Variants in DMD observed in about 807,000 individuals in gnomAD.
DMD encodes dystrophin.
In DMD, 63 loss-of-function variants were observed where a neutral mutation model predicts 330.1. The observed-to-expected ratio is 0.19, with a 90% CI of 0.16 to 0.24. The LOEUF (loss-of-function observed/expected upper bound fraction) is 0.24, where lower values mean the gene tolerates loss of function less well. Ranked by LOEUF, DMD falls within the 10% of genes least tolerant of loss-of-function variation. The pLI is 1.00. For missense variants in DMD, 3,344 were observed against 2,684.1 expected (o/e 1.25, Z -5.43); for synonymous variants, 1,223 against 959.8 (o/e 1.27, Z -5.07).
At chrX:32,468,178 A>T (rs1007342736) in intron 23 of DMD, among the ~76,000 whole-genome samples, 1 of 110,858 alleles carries the variant, frequency 9.0e-6, no homozygotes, top group Non-Finnish European at 1.9e-5. Flanking sequence ...AAGCTAAATG[A>T]TTACCCGTAT....
At chrX:32,929,652 T>G (rs753984847) in intron 2 of DMD, among the ~76,000 whole-genome samples, 5 of 111,226 alleles carry the variant, frequency 4.5e-5, no homozygotes, top group African/African-American at 1.3e-4. Context: ...TATGGTGGAC[T>G]GCTGCACCCA....
intron 1 of DMD, among the ~76,000 whole-genome samples, chrX:33,158,461 T>G (rs769932679): frequency 1.3e-4 from 15 of 111,476 alleles, no homozygotes; most frequent in Middle Eastern, 4.6e-3. Flanking sequence ...CTGTCCTAGC[T>G]GGAAAGAGCT....
chrX:31,753,257 T>C (rs750589863), intron 51 of DMD, among the ~76,000 whole-genome samples: 4 of 112,162 alleles, frequency 3.6e-5, no homozygotes, highest in African/African-American at 1.3e-4. Context: ...TGTTTGAATA[T>C]ATGCTGCTTT....
chrX:33,166,958 A>C (rs1442844160), intron 1 of DMD, among the ~76,000 whole-genome samples: 1 of 110,978 alleles, frequency 9.0e-6, no homozygotes, highest in African/African-American at 3.3e-5. Context: ...AGCACCATCG[A>C]TATGTATCAC....
chrX:32,894,819 C>T (rs1272999199), intron 2 of DMD, among the ~76,000 whole-genome samples: 1 of 112,312 alleles, frequency 8.9e-6, no homozygotes, highest in East Asian at 2.8e-4. Context: ...TTTGTGTGTA[C>T]GTGTGTGTAT....
chrX:32,670,080 A>T (rs2061539942), intron 9 of DMD, among the ~76,000 whole-genome samples: 1 of 111,989 alleles, frequency 8.9e-6, no homozygotes, highest in Non-Finnish European at 1.9e-5. Flanking sequence ...TCATTCAGTT[A>T]TACCTTCTGC....
At chrX:31,673,791 C>T (rs901367808) in intron 53 of DMD, among the ~76,000 whole-genome samples, 3 of 111,252 alleles carry the variant, frequency 2.7e-5, no homozygotes, top group African/African-American at 9.8e-5. Flanking sequence ...GGTGACTCTG[C>T]ATTAAATATT....
chrX:32,565,969 A>T, intron 15 of DMD, 88 bp from the exon 16 acceptor site: 1 of 808,180 alleles, frequency 1.2e-6, no homozygotes, highest in Non-Finnish European at 1.8e-6. Context: ...GTATTTGCTC[A>T]TTTGCATAGA....
At chrX:32,904,247 T>G (rs1946186675) in intron 2 of DMD, among the ~76,000 whole-genome samples, 1 of 111,587 alleles carries the variant, frequency 9.0e-6, no homozygotes, top group African/African-American at 3.3e-5. Flanking sequence ...ACTCAATAAG[T>G]TTTCACAAAT....
In DMD at chrX:32,753,310, C is replaced by T. The variant is rs191988891; in HGVS notation, c.650-54017G>A. ...GTATTCCTCAAAAGACAATATATTCCAAGACATGAGCCTTTTCTTATGTCT... is the reference window on the plus strand; with the variant it reads ...GTATTCCTCAAAAGACAATATATTCTAAGACATGAGCCTTTTCTTATGTCT... On this transcript the variant is annotated intron_variant, in intron 7 of 78. Transcript: ENST00000357033. 8.9e-5 allele frequency among the ~76,000 whole-genome samples: 10 copies of T among 111,926 alleles called. No homozygotes were observed. The East Asian group carries it at 2.8e-3, about 31-fold the overall frequency.
At chrX:32,335,351 C>A (rs1192833332) in intron 41 of DMD, among the ~76,000 whole-genome samples, 1 of 105,891 alleles carries the variant, frequency 9.4e-6, no homozygotes, top group Non-Finnish European at 1.9e-5. Context: ...CAAGCAACTG[C>A]CAGCAAGCCT....
intron 2 of DMD, among the ~76,000 whole-genome samples, chrX:32,909,221 A>T (rs994984080): frequency 9.1e-6 from 1 of 109,673 alleles, no homozygotes; most frequent in Non-Finnish European, 1.9e-5. Flanking sequence ...CAGTATACAC[A>T]GGTAGGATTT....
chrX:32,469,544 T>C (rs1167072093), intron 22 of DMD, among the ~76,000 whole-genome samples: 2 of 111,198 alleles, frequency 1.8e-5, no homozygotes, highest in African/African-American at 6.5e-5. Context: ...TATAGTTTCA[T>C]AGTATCCTAT....
At chrX:32,730,196 T>C (rs2067396557) in intron 7 of DMD, among the ~76,000 whole-genome samples, 1 of 112,049 alleles carries the variant, frequency 8.9e-6, no homozygotes, top group South Asian at 3.7e-4. Flanking sequence ...ATTGTTTAAA[T>C]GTACCTCTGC....
chrX:32,661,096 T>A (rs908224866), intron 9 of DMD, among the ~76,000 whole-genome samples: 1 of 108,234 alleles, frequency 9.2e-6, no homozygotes, highest in Non-Finnish European at 1.9e-5. Flanking sequence ...TAAAAATTGG[T>A]AAAGTTTATT....
intron 44 of DMD, among the ~76,000 whole-genome samples, chrX:32,107,133 A>T (rs191275961): frequency 9.0e-6 from 1 of 110,519 alleles, no homozygotes; most frequent in Admixed American, 9.7e-5. Flanking sequence ...TGGGAGTGTA[A>T]AGCTTCATGA....
intron 3 of DMD, among the ~76,000 whole-genome samples, chrX:32,846,281 G>C (rs1366028779): frequency 9.0e-6 from 1 of 111,643 alleles, no homozygotes; most frequent in African/African-American, 3.3e-5. Context: ...GTGGAGCCAG[G>C]ACCCAAACTT....
intron 59 of DMD, among the ~76,000 whole-genome samples, chrX:31,463,956 C>A (rs1396987803): frequency 9.0e-6 from 1 of 111,239 alleles, no homozygotes; most frequent in Non-Finnish European, 1.9e-5. Context: ...TTTGTATATC[C>A]TCTAATACTG....
chrX:31,559,081 G>A (rs932431402), intron 55 of DMD, among the ~76,000 whole-genome samples: 2 of 112,281 alleles, frequency 1.8e-5, no homozygotes, highest in African/African-American at 6.5e-5. Context: ...ACTGGAAGAT[G>A]ACTTTCATCT....
Sources: allele counts gnomAD v4.1 joint callset (sites outside exome capture counted in the v4.1 genomes callset), GRCh38; gene constraint gnomAD v4.1.1; transcripts MANE v1.5; gene names NCBI Gene and HGNC (gene_info 2026-07-23, HGNC 2026-07-21).